Variants in SYNE2 observed in about 807,000 individuals in gnomAD.
SYNE2 encodes the protein nesprin-2.
In SYNE2, 431 loss-of-function variants were observed where a neutral mutation model predicts 856.3. That is an observed-to-expected ratio of 0.50 (90% CI 0.47 to 0.55). The LOEUF (loss-of-function observed/expected upper bound fraction) is 0.55. SYNE2 is among the 20% of genes least tolerant of loss of function. The pLI, the probability that SYNE2 is intolerant of heterozygous loss-of-function variation, is 0.00. For synonymous variants in SYNE2, 2,923 were observed against 2,872.3 expected, an observed-to-expected ratio of 1.02 and a Z score of -0.56; for missense variants, 8,129 against 8,023.2, an observed-to-expected ratio of 1.01 and a Z score of -0.50.
chr14:64,188,249 T>C (rs953091502), intron 97 of SYNE2, among the ~76,000 whole-genome samples: 1 of 152,250 alleles, frequency 6.6e-6, no homozygotes, highest in Non-Finnish European at 1.5e-5. Flanking sequence ...TCATCTAGCC[T>C]TTCCTGTTTC....
intron 1 of SYNE2, among the ~76,000 whole-genome samples, chr14:63,893,429 G>A (rs992914688): frequency 6.6e-6 from 1 of 152,044 alleles, no homozygotes; most frequent in Non-Finnish European, 1.5e-5. Context: ...TTAGCTGGGC[G>A]TGGTGGCACA....
chr14:64,184,010 A>T (rs2153743342), intron 96 of SYNE2, among the ~76,000 whole-genome samples: 1 of 151,684 alleles, frequency 6.6e-6, no homozygotes, highest in South Asian at 2.1e-4. Flanking sequence ...GGAGCAATTT[A>T]ATTTAAAGAC....
intron 1 of SYNE2, among the ~76,000 whole-genome samples, chr14:63,784,660 A>G (rs1308552003): frequency 6.6e-6 from 1 of 152,020 alleles, no homozygotes; most frequent in Non-Finnish European, 1.5e-5. Context: ...GAGCCCAGCT[A>G]TAAATTTGTA....
At position 64,065,696 on chromosome 14, in the gene SYNE2, T is replaced by A. The variant is rs8017952; in HGVS notation, c.10431+46T>A. On this transcript the variant is annotated intron_variant, in intron 51 of 115. Transcript: ENST00000555002. Reference sequence around the variant, plus strand: ...AAACCATGTAGTTTCTAACATGTTATTTAAATTGTTTTATTACTTTCACCT... The same window carrying A: ...AAACCATGTAGTTTCTAACATGTTAATTAAATTGTTTTATTACTTTCACCT... The A allele has an allele frequency of 0.043, 69,308 of 1,594,670 alleles. 2,354 individuals carry two copies. Among genetic ancestry groups the A allele is most frequent in the African/African-American group, 0.17 (13,000 of 74,770 alleles).
chr14:64,021,245 A>C, intron 35 of SYNE2, 70 bp from the exon 36 acceptor site: 1 of 1,186,440 alleles, frequency 8.4e-7, no homozygotes, highest in Non-Finnish European at 1.3e-6. Flanking sequence ...CCCATTCTCT[A>C]GCAATGCAGT....
chr14:63,887,161 G>A (rs997761893), intron 1 of SYNE2, among the ~76,000 whole-genome samples: 1 of 151,990 alleles, frequency 6.6e-6, no homozygotes, highest in Non-Finnish European at 1.5e-5. Context: ...TGTGCCTGTA[G>A]TCCCAGCTAT....
intron 30 of SYNE2, among the ~76,000 whole-genome samples, chr14:64,004,474 C>T (rs532688332): frequency 6.6e-6 from 1 of 152,166 alleles, no homozygotes; most frequent in South Asian, 2.1e-4. Context: ...GGATTACAGG[C>T]ACGCGCCACC....
intron 1 of SYNE2, among the ~76,000 whole-genome samples, chr14:63,825,838 A>G (rs966664108): frequency 6.6e-6 from 1 of 152,130 alleles, no homozygotes; most frequent in Admixed American, 6.6e-5. Context: ...ACTCCACTGC[A>G]CTCCAGCCTG....
chr14:63,937,102 A>G (rs918036689), intron 2 of SYNE2, among the ~76,000 whole-genome samples: 1 of 152,166 alleles, frequency 6.6e-6, no homozygotes, highest in Non-Finnish European at 1.5e-5. Context: ...ATTGGTTTTC[A>G]TGAGAGTGTG....
chr14:64,015,506 G>A (rs1483874022), intron 32 of SYNE2, among the ~76,000 whole-genome samples: 1 of 152,038 alleles, frequency 6.6e-6, no homozygotes, highest in Non-Finnish European at 1.5e-5. Flanking sequence ...CTTATTATCT[G>A]CTTGATGTCT....
At chr14:64,000,216 A>C (rs1404661759) in intron 27 of SYNE2, among the ~76,000 whole-genome samples, 1 of 152,260 alleles carries the variant, frequency 6.6e-6, no homozygotes, top group Non-Finnish European at 1.5e-5. Context: ...AGAAGGTAAG[A>C]AAGATTTCCT....
chr14:63,998,022 T>C (rs1011831590), intron 25 of SYNE2, among the ~76,000 whole-genome samples, 197 bp from the exon 26 acceptor site: 1 of 152,228 alleles, frequency 6.6e-6, no homozygotes, highest in Non-Finnish European at 1.5e-5. Flanking sequence ...CATGCTGCCA[T>C]ACCAGTTAGA....
Position 64,203,005 on chromosome 14 carries a change from C to G in SYNE2, c.18201+42C>G, listed in dbSNP as rs771291581. On this transcript the variant is annotated intron_variant, in intron 100 of 115. Coordinates refer to ENST00000555002, the MANE Select transcript of SYNE2 (RefSeq NM_182914.3). ...TGAGCTCTTGCAAGAGTACGGTGTCCGCGATATGCACTGACTGAGGCCTTC... is the reference window on the plus strand; with the variant it reads ...TGAGCTCTTGCAAGAGTACGGTGTCGGCGATATGCACTGACTGAGGCCTTC... The G allele has an allele frequency of 5.6e-6, 9 of 1,610,008 alleles. No homozygotes were observed. In the Admixed American group the frequency reaches 8.3e-5, roughly 15 times the overall value.
At chr14:64,023,165 G>C in intron 38 of SYNE2, 2 of 348,364 alleles carry the variant, frequency 5.7e-6, no homozygotes, top group Admixed American at 9.0e-5. Context: ...GCTTGAGCCT[G>C]GGAGGAGGAA....
intron 61 of SYNE2, 108 bp downstream of exon 61, chr14:64,093,588 A>C: frequency 4.2e-6 from 5 of 1,186,382 alleles, no homozygotes; most frequent in Non-Finnish European, 6.3e-6. Context: ...GTGCAGTGTA[A>C]CACCTGTTTC....
intron 27 of SYNE2, among the ~76,000 whole-genome samples, chr14:64,000,275 A>G (rs1202141174): frequency 6.6e-6 from 1 of 152,178 alleles, no homozygotes; most frequent in Non-Finnish European, 1.5e-5. Context: ...ATTTTTCTGA[A>G]TTGTATTCTA....
At chr14:63,985,293 G>T (rs1422881231) in intron 18 of SYNE2, among the ~76,000 whole-genome samples, 1 of 136,646 alleles carries the variant, frequency 7.3e-6, no homozygotes, top group African/African-American at 2.9e-5. Flanking sequence ...TTGCACCACC[G>T]CACTCCAGCC....
At chr14:63,864,309 C>T (rs1481430979) in intron 1 of SYNE2, 1 of 152,120 alleles carries the variant, frequency 6.6e-6, no homozygotes, top group African/African-American at 2.4e-5. Context: ...GAAAGTTTCC[C>T]CTCTGCTGGA....
chr14:63,959,157 T>C (rs1297837546), intron 8 of SYNE2, among the ~76,000 whole-genome samples: 1 of 152,112 alleles, frequency 6.6e-6, no homozygotes, highest in African/African-American at 2.4e-5. Flanking sequence ...TCTTTACTAC[T>C]GGTATTTAGC....
Sources: gnomAD v4.1 joint callset for allele counts (sites outside exome capture counted in the v4.1 genomes callset) on GRCh38, gnomAD v4.1.1 for gene constraint, MANE v1.5 for transcripts, NCBI Gene and HGNC (gene_info 2026-07-23, HGNC 2026-07-21) for gene names.